The following XKR9 variants were observed in gnomAD, a reference collection of about 807,000 sequenced individuals.
XKR9 encodes the protein XK related 9, also known as XK-related protein 9.
XKR9 carries 32 observed loss-of-function variants against 32.0 expected under a neutral mutation model. The observed-to-expected ratio is 1.00, with a 90% confidence interval of 0.76 to 1.34. XKR9 has a LOEUF of 1.34. XKR9 is among the 40% of genes most tolerant of loss of function. The probability of loss-of-function intolerance (pLI) is 0.00; values close to 1 mark genes in which losing one functional copy is unlikely to be tolerated. For missense variants in XKR9, 546 were observed against 429.7 expected (o/e 1.27, Z -2.39); for synonymous variants, 168 against 143.4 (o/e 1.17, Z -1.22).
chr8:70,756,002 G>A (rs543389008), intron 2 of XKR9, among the ~76,000 whole-genome samples: 1 of 152,276 alleles, frequency 6.6e-6, no homozygotes, highest in East Asian at 1.9e-4. Flanking sequence ...TATAATATAT[G>A]CATTAGATTT....
the XKR9 span, among the ~76,000 whole-genome samples, chr8:71,017,748 T>A: frequency 1.3e-5 from 2 of 152,206 alleles, no homozygotes; most frequent in Non-Finnish European, 2.9e-5. Flanking sequence ...GCTCGGGTAC[T>A]CCCAAGGTGG....
chr8:70,855,086 G>A, the XKR9 span, among the ~76,000 whole-genome samples: 8 of 152,058 alleles, frequency 5.3e-5, no homozygotes, highest in African/African-American at 1.4e-4. Context: ...GATGGGGATG[G>A]CATTGAATCT....
intron 2 of XKR9, among the ~76,000 whole-genome samples, chr8:70,680,066 C>T (rs1291571769): frequency 1.3e-5 from 2 of 151,808 alleles, no homozygotes. Flanking sequence ...CATTTGCTTC[C>T]TACTCTCAAC....
chr8:70,856,265 A>G, the XKR9 span, among the ~76,000 whole-genome samples: 13 of 152,300 alleles, frequency 8.5e-5, no homozygotes, highest in African/African-American at 3.1e-4. Context: ...TAGGCTCAAA[A>G]TAAAGGGATG....
the XKR9 span, among the ~76,000 whole-genome samples, chr8:70,890,087 G>A: frequency 5.9e-5 from 9 of 151,812 alleles, no homozygotes; most frequent in Non-Finnish European, 1.0e-4. Flanking sequence ...AGTATCTGTT[G>A]TTTTTTGACT....
At chr8:70,758,510 G>A (rs1030944647) in intron 2 of XKR9, among the ~76,000 whole-genome samples, 4 of 152,114 alleles carry the variant, frequency 2.6e-5, no homozygotes, top group Non-Finnish European at 5.9e-5. Context: ...TTGCAAACTA[G>A]CTGTCTTTAT....
the XKR9 span, among the ~76,000 whole-genome samples, chr8:70,952,122 CAATAA>C: frequency 1.3e-3 from 191 of 146,676 alleles, 1 homozygote; most frequent in African/African-American, 4.7e-3. Flanking sequence ...AAAAGGAAAA[CAATAA>C]AATAGAATAG....
the XKR9 span, among the ~76,000 whole-genome samples, chr8:70,983,907 C>T: frequency 1.3e-5 from 2 of 152,130 alleles, no homozygotes. Flanking sequence ...TAATTTCTAG[C>T]TCACTAGGCC....
the XKR9 span, among the ~76,000 whole-genome samples, chr8:70,964,285 G>T: frequency 6.6e-6 from 1 of 152,136 alleles, no homozygotes; most frequent in African/African-American, 2.4e-5. Context: ...TAGGTGTGTA[G>T]TCTTGTTCCT....
At chr8:70,724,745 C>G (rs1358746804) in intron 4 of XKR9, among the ~76,000 whole-genome samples, 1 of 152,178 alleles carries the variant, frequency 6.6e-6, no homozygotes, top group Admixed American at 6.5e-5. Flanking sequence ...ACTGGTACCT[C>G]AGTTGGAAAT....
intron 4 of XKR9, among the ~76,000 whole-genome samples, chr8:70,707,821 A>G (rs1236028441): frequency 6.6e-6 from 1 of 152,010 alleles, no homozygotes; most frequent in Admixed American, 6.6e-5. Context: ...AAAAATGTTC[A>G]TTTTTTAAAG....
chr8:70,748,827 C>T (rs1807094648), intron 2 of XKR9, among the ~76,000 whole-genome samples: 1 of 151,984 alleles, frequency 6.6e-6, no homozygotes, highest in South Asian at 2.1e-4. Flanking sequence ...AATCAGCATG[C>T]ACTTCCTCCC....
the XKR9 span, among the ~76,000 whole-genome samples, chr8:71,049,322 A>G: frequency 6.6e-6 from 1 of 152,228 alleles, no homozygotes; most frequent in Non-Finnish European, 1.5e-5. Context: ...AATAAAACAC[A>G]CATGCTTGAA....
At chr8:70,744,053 T>G (rs1280982224) in intron 2 of XKR9, among the ~76,000 whole-genome samples, 2 of 152,094 alleles carry the variant, frequency 1.3e-5, no homozygotes, top group Admixed American at 6.6e-5. Context: ...TTTGCCAGTC[T>G]TTCTGCCAGC....
At chr8:71,027,680 C>T in the XKR9 span, among the ~76,000 whole-genome samples, 1 of 151,400 alleles carries the variant, frequency 6.6e-6, no homozygotes, top group Admixed American at 6.6e-5. Context: ...CAGCTTTGTT[C>T]CTTTTGTTCA....
chr8:70,963,790 C>T, the XKR9 span, among the ~76,000 whole-genome samples: 1 of 152,086 alleles, frequency 6.6e-6, no homozygotes. Flanking sequence ...CTGTTCATGT[C>T]CTTTGCCCAT....
At chr8:70,720,341 T>C (rs994888615) in intron 4 of XKR9, among the ~76,000 whole-genome samples, 3 of 152,292 alleles carry the variant, frequency 2.0e-5, no homozygotes, top group Non-Finnish European at 4.4e-5. Flanking sequence ...CTATGTTGAA[T>C]AGGAGTGGTG....
the XKR9 span, among the ~76,000 whole-genome samples, chr8:70,909,171 C>G: frequency 6.6e-6 from 1 of 152,090 alleles, no homozygotes; most frequent in East Asian, 1.9e-4. Flanking sequence ...TGCTTTAAAC[C>G]TTCCAATGGC....
At chr8:70,912,368 C>A in the XKR9 span, among the ~76,000 whole-genome samples, 1 of 151,880 alleles carries the variant, frequency 6.6e-6, no homozygotes, top group Non-Finnish European at 1.5e-5. Flanking sequence ...GAAGACTATA[C>A]CAAGGTGGCT....
Sources: gnomAD v4.1 joint callset for allele counts (sites outside exome capture counted in the v4.1 genomes callset) on GRCh38, gnomAD v4.1.1 for gene constraint, MANE v1.5 for transcripts, NCBI Gene and HGNC (gene_info 2026-07-23, HGNC 2026-07-21) for gene names.